ATP8A2: variants seen among roughly 807,000 people sequenced by gnomAD.
The protein encoded by ATP8A2 is phospholipid-transporting ATPase IB.
In ATP8A2, 100 loss-of-function variants were observed where a neutral mutation model predicts 165.6. That is an observed-to-expected ratio of 0.60 (90% CI 0.51 to 0.71). The LOEUF is 0.71. Among genes scored for constraint, ATP8A2 ranks in the 30% least tolerant of loss-of-function variants. ATP8A2 has a pLI of 0.00. For synonymous variants in ATP8A2, 543 were observed against 548.8 expected, an observed-to-expected ratio of 0.99 and a Z score of 0.15; for missense variants, 1,227 against 1,479.5, an observed-to-expected ratio of 0.83 and a Z score of 2.80.
chr13:25,524,553 C>A (rs1391006326), intron 2 of ATP8A2, among the ~76,000 whole-genome samples: 1 of 152,060 alleles, frequency 6.6e-6, no homozygotes, highest in African/African-American at 2.4e-5. Context: ...GTGTTGAGTG[C>A]ATAGATATTT....
chr13:25,754,435 T>C (rs2044218489), intron 25 of ATP8A2, among the ~76,000 whole-genome samples: 1 of 151,622 alleles, frequency 6.6e-6, no homozygotes, highest in African/African-American at 2.4e-5. Context: ...TTTTTTGAGG[T>C]TTTACTGATA....
At chr13:25,959,208 T>A (rs769003968) in intron 33 of ATP8A2, among the ~76,000 whole-genome samples, 1 of 152,154 alleles carries the variant, frequency 6.6e-6, no homozygotes, top group African/African-American at 2.4e-5. Context: ...GTTTTCTTGG[T>A]TGGGGAGAGA....
intron 9 of ATP8A2, among the ~76,000 whole-genome samples, chr13:25,542,496 A>G (rs967336813): frequency 1.3e-5 from 2 of 150,662 alleles, no homozygotes; most frequent in African/African-American, 2.5e-5. Flanking sequence ...CCTCCTGTCT[A>G]TATTCTGTTA....
rs1360157007 is a variant in ATP8A2, at chr13:25,920,519, G to A, written c.3184-41056G>A. ...TAGTAAATGGCTCCACCATCCACCA[G>A]CTCACAGAGCCAAAAGCCGAAGTCC... On this transcript the variant is annotated intron_variant, in intron 33 of 36. Coordinates refer to ENST00000381655, the MANE Select transcript of ATP8A2 (RefSeq NM_016529.6). Among the ~76,000 whole-genome samples the A allele has an allele frequency of 3.3e-5, 5 of 152,110 alleles. No individual in the cohort carries two copies. In the South Asian group the frequency reaches 6.2e-4, roughly 19 times the overall value.
At chr13:25,541,882 A>G (rs747136351) in intron 8 of ATP8A2, 37 bp from the exon 9 acceptor site, 2 of 1,612,544 alleles carry the variant, frequency 1.2e-6, no homozygotes, top group Non-Finnish European at 1.7e-6. Flanking sequence ...AGCACAGAAG[A>G]TTGTGTTTGA....
chr13:25,773,564 A>G (rs1298810949), intron 26 of ATP8A2, among the ~76,000 whole-genome samples: 1 of 152,204 alleles, frequency 6.6e-6, no homozygotes, highest in East Asian at 1.9e-4. Context: ...CACAGGAGCC[A>G]TCACATCACT....
At chr13:25,862,609 A>C (rs1393008504) in intron 33 of ATP8A2, among the ~76,000 whole-genome samples, 1 of 152,224 alleles carries the variant, frequency 6.6e-6, no homozygotes, top group African/African-American at 2.4e-5. Flanking sequence ...CAGAAAAGGC[A>C]TTTGAAGTTT....
chr13:25,552,561 G>A (rs926986623), intron 11 of ATP8A2, among the ~76,000 whole-genome samples: 5 of 152,000 alleles, frequency 3.3e-5, no homozygotes, highest in Non-Finnish European at 7.4e-5. Flanking sequence ...CTTTGTTTTT[G>A]TGGATTTTAA....
intron 35 of ATP8A2, among the ~76,000 whole-genome samples, chr13:25,970,015 C>T (rs1955877181): frequency 1.3e-5 from 2 of 151,948 alleles, no homozygotes; most frequent in Admixed American, 6.6e-5. Context: ...TTCATAAGCT[C>T]CAAAAATTAG....
chr13:25,422,011 C>A (rs2034314587), intron 1 of ATP8A2, among the ~76,000 whole-genome samples: 1 of 152,120 alleles, frequency 6.6e-6, no homozygotes, highest in African/African-American at 2.4e-5. Context: ...TCAGTCCCAC[C>A]AGTTATGAAA....
chr13:25,540,529 T>G (rs548283016), intron 8 of ATP8A2, 141 bp downstream of exon 8: 609 of 671,002 alleles, frequency 9.1e-4, no homozygotes, highest in Non-Finnish European at 1.5e-3. Flanking sequence ...GGGAAGAATA[T>G]GCCATTTATG....
intron 24 of ATP8A2, among the ~76,000 whole-genome samples, chr13:25,590,370 A>T (rs990619334): frequency 6.6e-6 from 1 of 152,172 alleles, no homozygotes; most frequent in Admixed American, 6.5e-5. Flanking sequence ...TGCTACAGTG[A>T]GCCGTGATCG....
chr13:25,635,316 A>G (rs1048723232), intron 24 of ATP8A2, among the ~76,000 whole-genome samples: 1 of 152,210 alleles, frequency 6.6e-6, no homozygotes, highest in Non-Finnish European at 1.5e-5. Flanking sequence ...AGGGAAAATG[A>G]GGTATGTGAA....
At chr13:25,713,535 A>G (rs2043195018) in intron 25 of ATP8A2, among the ~76,000 whole-genome samples, 1 of 152,172 alleles carries the variant, frequency 6.6e-6, no homozygotes, top group East Asian at 1.9e-4. Context: ...CGAGATTCTC[A>G]GTCAGGAGTC....
At chr13:25,977,594 T>TAG (rs1176738378) in intron 35 of ATP8A2, among the ~76,000 whole-genome samples, 1 of 152,350 alleles carries the variant, frequency 6.6e-6, no homozygotes, top group East Asian at 1.9e-4. Context: ...AAATAATTGA[T>TAG]TCTCTGTTAT....
chr13:25,639,184 A>C (rs2041449462), intron 24 of ATP8A2, among the ~76,000 whole-genome samples: 1 of 152,346 alleles, frequency 6.6e-6, no homozygotes, highest in Non-Finnish European at 1.5e-5. Context: ...CTAGGAAGAA[A>C]TTGCATCAAC....
rs551627477 is a variant in ATP8A2 at position 25,553,669 on chromosome 13, G to C, written c.1058-124G>C. 4,659 of 957,554 alleles carry C rather than the reference G, an allele frequency of 4.9e-3. 18 individuals carry two copies. The highest frequency in any genetic ancestry group is 6.6e-3 in the Non-Finnish European group (4,139 of 631,206). 59.3% of individuals were successfully genotyped at this position (957,554 alleles called of 1,614,324 possible). On this transcript the variant is annotated intron_variant, in intron 11 of 36. Coordinates refer to ENST00000381655, the MANE Select transcript of ATP8A2 (RefSeq NM_016529.6). Reference sequence around the variant, plus strand: ...GCCTGTGTGCCTCCTACAGAAAGCAGCCTTTGAACTCACGGTTCCTGACAT... The same window carrying C: ...GCCTGTGTGCCTCCTACAGAAAGCACCCTTTGAACTCACGGTTCCTGACAT...
At chr13:25,905,757 T>C (rs758863565) in intron 33 of ATP8A2, among the ~76,000 whole-genome samples, 7 of 151,816 alleles carry the variant, frequency 4.6e-5, no homozygotes, top group Non-Finnish European at 7.4e-5. Context: ...GGACAGGGCG[T>C]TGGTTCCTGT....
At chr13:25,574,752 G>A (rs969825264) in intron 18 of ATP8A2, 56 bp from the exon 19 acceptor site, 2 of 989,798 alleles carry the variant, frequency 2.0e-6, no homozygotes, top group Admixed American at 1.7e-5. Flanking sequence ...GGAGACAATT[G>A]CTTTGAGATT....
Sources: gnomAD v4.1 joint callset for allele counts (sites outside exome capture counted in the v4.1 genomes callset) on GRCh38, gnomAD v4.1.1 for gene constraint, MANE v1.5 for transcripts, NCBI Gene and HGNC (gene_info 2026-07-23, HGNC 2026-07-21) for gene names.